Variants in TTN observed in about 807,000 individuals in gnomAD.
The protein encoded by TTN is connectin.
In TTN, 1,525 loss-of-function variants were observed where a neutral mutation model predicts 3,223.0. The observed-to-expected ratio is 0.47, with a 90% CI of 0.45 to 0.49. The LOEUF (loss-of-function observed/expected upper bound fraction) is 0.49, where lower values mean the gene tolerates loss of function less well. Ranked by LOEUF, TTN falls within the 20% of genes least tolerant of loss-of-function variation. The pLI is 0.00. For synonymous variants in TTN, 14,094 were observed against 15,161.0 expected (o/e 0.93, Z 5.17); for missense variants, 40,786 against 43,424.0 (o/e 0.94, Z 5.40).
chr2:178,733,315 G>A lies in TTN; in HGVS notation c.15978C>T (p.His5326=), dbSNP rs397517482. ...TCTCAAATGTGTATTGGCCACTGTC[G>A]TGCAGCTCAGCTGAATAAAATTTGA... The part of the protein sequence containing the change: ...AQLKFYSAEL[H]DSGQYTFEIS... The change falls in exon 54 of 363, where the codon CAC becomes CAT. Residue 5326 remains histidine (H), a synonymous_variant. Coordinates refer to ENST00000589042, the MANE Select transcript of TTN (RefSeq NM_001267550.2). 56 of 1,613,622 alleles carry A rather than the reference G, an allele frequency of 3.5e-5. No homozygotes were observed. Among genetic ancestry groups the A allele is most frequent in the Non-Finnish European group, 4.2e-5 (50 of 1,179,772 alleles).
rs1407053984 is a variant in TTN at position 178,539,132 on chromosome 2, C to A, written c.98803G>T (p.Glu32935Ter). Reference sequence around the variant, plus strand: ...TTGTCAGTGGATGTCTCTTTGCGTTCGATGTAGTAGCCTGTGACTCTAGAA... The same window carrying A: ...TTGTCAGTGGATGTCTCTTTGCGTTAGATGTAGTAGCCTGTGACTCTAGAA... Reference protein sequence around the residue: ...GGSRVTGYYIERKETSTDKWV... With the variant: ...GGSRVTGYYI The change falls in exon 353 of 363, where the codon GAA becomes TAA. Residue 32935 changes from glutamate to a stop codon, truncating the protein, a stop_gained. Transcript: ENST00000589042. LOFTEE classifies it high-confidence loss of function. 1 of 1,613,676 alleles carries A rather than the reference C, an allele frequency of 6.2e-7. No individual in the cohort carries two copies. Among genetic ancestry groups the A allele is most frequent in the Non-Finnish European group, 8.5e-7 (1 of 1,179,730 alleles).
In TTN at chr2:178,620,868, A is replaced by T; in HGVS notation, c.45742T>A (p.Phe15248Ile). ...AGAATGATGTATTTTGAACTATCAA[A>T]TATAGCTTCTTCATTTCTGAACCAT... ...AKWFRNEEAI[F>I]DSSKYIILQK... The change falls in exon 247 of 363, where the codon TTT becomes ATT. Residue 15248 changes from phenylalanine (F) to isoleucine (I), a missense_variant. Phe to Ile is a conservative substitution (Grantham distance 21). Coordinates refer to ENST00000589042, the MANE Select transcript of TTN (RefSeq NM_001267550.2). The T allele has an allele frequency of 6.2e-7, 1 of 1,612,648 alleles. No homozygotes were observed. The highest frequency in any genetic ancestry group is 8.5e-7 in the Non-Finnish European group (1 of 1,179,150).
chr2:178,678,255 C>T (rs779720628), intron 144 of TTN, 47 bp from the exon 145 acceptor site: 2 of 1,563,212 alleles, frequency 1.3e-6, no homozygotes, highest in East Asian at 2.2e-5. Flanking sequence ...TTTAAAATGT[C>T]TTAGAGCAAT....
Position 178,562,553 on chromosome 2 carries a change from A to G in TTN, c.83579T>C (p.Val27860Ala). Residue 27860 changes from valine to alanine, a missense_variant, in exon 326 of 363, where the codon GTG becomes GCG. By Grantham distance (64) the Val-to-Ala change is moderately conservative. Transcript: ENST00000589042. ...TCCAGGTGGGAGGGGTGGTTCAGACACTTTAACGGGTTCTGTTGTTTCAGC... is the reference window on the plus strand; with the variant it reads ...TCCAGGTGGGAGGGGTGGTTCAGACGCTTTAACGGGTTCTGTTGTTTCAGC... ...LPAETTEPVK[V>A]SEPPLPPGRV... is the part of the protein sequence containing the mutation. 6.2e-7 allele frequency: 1 copy of G among 1,610,110 alleles called. No individual in the cohort carries two copies. Among genetic ancestry groups the G allele is most frequent in the Non-Finnish European group, 8.5e-7 (1 of 1,178,492 alleles).
Position 178,734,540 on chromosome 2 carries a change from T to C in TTN, c.15284A>G (p.Gln5095Arg), listed in dbSNP as rs2081098001. 1.4e-5 allele frequency: 22 copies of C among 1,609,704 alleles called. No individual in the cohort carries two copies. Among genetic ancestry groups the C allele is most frequent in the Non-Finnish European group, 1.9e-5 (22 of 1,177,306 alleles). Residue 5095 changes from glutamine to arginine, a missense_variant, in exon 52 of 363, where the codon CAG becomes CGG. Physicochemically the swap from Gln to Arg is conservative, Grantham distance 43 (BLOSUM62 1). Coordinates refer to ENST00000589042, the MANE Select transcript of TTN (RefSeq NM_001267550.2). ...TGGTCCAGTGCCTGAGACTTCACACTGAAGTAGAGCATTTGTTCCTCTCAC... is the reference window on the plus strand; with the variant it reads ...TGGTCCAGTGCCTGAGACTTCACACCGAAGTAGAGCATTTGTTCCTCTCAC... ...DIVRGTNALL[Q>R]CEVSGTGPFE... is the part of the protein sequence containing the mutation.
Position 178,568,689 on chromosome 2 carries a change from A to G in TTN, c.77443T>C (p.Leu25815=). Residue 25815 remains leucine, a synonymous_variant, in exon 326 of 363, where the codon TTG becomes CTG. Transcript: ENST00000589042. ...SSYSVQVGQD[L]KIEVPISGRP... ...CCAGAAATTGGCACTTCTATTTTCA[A>G]ATCTTGGCCAACCTGTACACTGTAA... is the stretch of plus-strand genomic sequence containing the variant. 1.2e-6 allele frequency: 2 copies of G among 1,613,312 alleles called. No individual in the cohort carries two copies. The highest frequency in any genetic ancestry group is 1.1e-5 in the South Asian group (1 of 91,040).
At chr2:178,759,224 TA>T (rs1561116594) in intron 43 of TTN, 52 bp from the exon 44 acceptor site, 1 of 1,584,322 alleles carries the variant, frequency 6.3e-7, no homozygotes, top group South Asian at 1.1e-5. Context: ...AGTGGATTTT[TA>T]CAATTTACCT....
chr2:178,529,201 G>A lies in TTN; in HGVS notation c.106550C>T (p.Ala35517Val). 6.7e-7 allele frequency: 1 copy of A among 1,491,836 alleles called. No individual in the cohort carries two copies. The allele number at this position is 1,491,836 out of a possible 1,614,324, so 92.4% of individuals were successfully genotyped here. Reference sequence around the variant, plus strand: ...AGTCTTTTGTGTAGAGACTTTCTGTGCCTCAGTATCTTTTATAGCTAAAAA... The same window carrying A: ...AGTCTTTTGTGTAGAGACTTTCTGTACCTCAGTATCTTTTATAGCTAAAAA... ...LTIKAIKDTE[A>V]QKVSTQKTSE... Residue 35517 changes from alanine to valine, a missense_variant, in exon 360 of 363, where the codon GCA becomes GTA. Coordinates refer to ENST00000589042, the MANE Select transcript of TTN (RefSeq NM_001267550.2).
At position 178,718,708 on chromosome 2, in the gene TTN, A is replaced by G. The variant is rs2077879773; in HGVS notation, c.24492T>C (p.His8164=). The stretch of plus-strand genomic sequence containing the variant: ...GAAAGAGCAAACCTTTCACAAAAAG[A>G]TGTGTGGTACAGGAAGCACTGCCAG... ...NDAGSASCTT[H]LFVKEPATFV... is the part of the protein sequence containing the mutation. The change falls in exon 84 of 363, where the codon CAT becomes CAC. Residue 8164 remains histidine (H), a synonymous_variant. Transcript: ENST00000589042. 1.2e-6 allele frequency: 2 copies of G among 1,613,314 alleles called. No homozygotes were observed. The highest frequency in any genetic ancestry group is 1.1e-5 in the South Asian group (1 of 91,012).
At position 178,774,037 on chromosome 2, in the gene TTN, A is replaced by G. The variant is rs569657290; in HGVS notation, c.7131T>C (p.Val2377=). 6.2e-7 allele frequency: 1 copy of G among 1,614,122 alleles called. No homozygotes were observed. Among genetic ancestry groups the G allele is most frequent in the East Asian group, 2.2e-5 (1 of 44,864 alleles). ...CTTCCACACTTTCCAAGGAGACTTTAACTTCAAGCTGAACAATGTCACCCT... is the reference window on the plus strand; with the variant it reads ...CTTCCACACTTTCCAAGGAGACTTTGACTTCAAGCTGAACAATGTCACCCT... ...VCEGDIVQLE[V]KVSLESVEGV... The change falls in exon 31 of 363, where the codon GTT becomes GTC. Residue 2377 remains valine, a synonymous_variant. Coordinates refer to ENST00000589042, the MANE Select transcript of TTN (RefSeq NM_001267550.2).
rs901577328 is a variant in TTN at position 178,562,343 on chromosome 2, T to C, written c.83789A>G (p.Glu27930Gly). The C allele has an allele frequency of 6.2e-7, 1 of 1,611,186 alleles. No individual in the cohort carries two copies. Among genetic ancestry groups the C allele is most frequent in the Non-Finnish European group, 8.5e-7 (1 of 1,178,900 alleles). Residue 27930 changes from glutamate (E) to glycine (G), a missense_variant, in exon 326 of 363, where the codon GAA (glutamate) becomes GGA (glycine). Coordinates refer to ENST00000589042, the MANE Select transcript of TTN (RefSeq NM_001267550.2). ...TGCAGCTACCCTGAAGACATACTCTTCTCCTGCAGTTAAGCCAGATATAGT... is the reference window on the plus strand; with the variant it reads ...TGCAGCTACCCTGAAGACATACTCTCCTCCTGCAGTTAAGCCAGATATAGT... ...EATISGLTAG[E>G]EYVFRVAAVN...
At chr2:178,676,974 C>G (rs2068207431) in intron 147 of TTN, among the ~76,000 whole-genome samples, 1 of 151,548 alleles carries the variant, frequency 6.6e-6, no homozygotes, top group African/African-American at 2.4e-5. Context: ...GAAATCAGAA[C>G]TTTTGTATCA....
chr2:178,605,598 A>AATG lies in TTN; in HGVS notation c.53694_53696dup (p.Ile17899dup). 1.9e-6 allele frequency: 3 copies of AATG among 1,612,346 alleles called. No individual in the cohort carries two copies. The highest frequency in any genetic ancestry group is 2.5e-6 in the Non-Finnish European group (3 of 1,178,858). ...CAGGTTTGTCATGACGCCGTTTTTC[A>AATG]ATGATATATCCTTGGATGGGACTGC... On this transcript the variant is annotated inframe_insertion, in exon 279 of 363. Coordinates refer to ENST00000589042, the MANE Select transcript of TTN (RefSeq NM_001267550.2).
rs146999516 is a variant in TTN, at chr2:178,734,233, T to C, written c.15496+95A>G. On this transcript the variant is annotated intron_variant, in intron 52 of 362. Transcript: ENST00000589042. ...ACCAAGACAAAACAAATTTAAAGGA[T>C]AGGACAAGAGAAGAAAGTACCAGTT... The C allele has an allele frequency of 9.3e-6, 13 of 1,404,958 alleles. No individual in the cohort carries two copies. In the African/African-American group the frequency reaches 1.3e-4, roughly 14 times the overall value. The allele number at this position is 1,404,958 out of a possible 1,614,324, so 87.0% of individuals were successfully genotyped here.
At position 178,710,916 on chromosome 2, in the gene TTN, T is replaced by A; in HGVS notation, c.28181A>T (p.Lys9394Met). 2 of 1,612,804 alleles carry A rather than the reference T, an allele frequency of 1.2e-6. No homozygotes were observed. Among genetic ancestry groups the A allele is most frequent in the Non-Finnish European group, 1.7e-6 (2 of 1,178,960 alleles). Residue 9394 changes from lysine (K) to methionine (M), a missense_variant, in exon 98 of 363, where the codon AAG becomes ATG. By Grantham distance (95) the Lys-to-Met change is moderately conservative (BLOSUM62 -1). Coordinates refer to ENST00000589042, the MANE Select transcript of TTN (RefSeq NM_001267550.2). ...ACGGATGTCAAAGAAGGGTGGGTTC[T>A]TCCCCTCTAATAGTAGAGCAGAAAG... ...SSARLILTEG[K>M]NPPFFDIRLA...
chr2:178,580,509 A>G lies in TTN; in HGVS notation c.66870T>C (p.Pro22290=), dbSNP rs1024438218. The change falls in exon 317 of 363, where the codon CCT becomes CCC. Residue 22290 remains proline (P), a synonymous_variant. Transcript: ENST00000589042. ...TTGGTTTAGACCAAGTAATCTTTGG[A>G]GGTGGGCGTCCTTTTACTGGTACAT... ...RLYVPVKGRP[P]PKITWSKPNV... is the part of the protein sequence containing the mutation. The G allele has an allele frequency of 1.4e-5, 23 of 1,612,772 alleles. No homozygotes were observed. In the African/African-American group the frequency reaches 2.8e-4, roughly 20 times the overall value.
chr2:178,531,735 A>G lies in TTN; in HGVS notation c.104880T>C (p.Arg34960=), dbSNP rs1051347990. ...SHRVPCGQNT[R]FILNVQSKPT... ...GCTTAGACTGAACATTTAAAATAAA[A>G]CGTGTATTTTGGCCACATGGTACCC... is the stretch of plus-strand genomic sequence containing the variant. The change falls in exon 358 of 363, where the codon CGT becomes CGC. Residue 34960 remains arginine, a synonymous_variant. Transcript: ENST00000589042. The G allele has an allele frequency of 3.7e-6, 6 of 1,613,890 alleles. No individual in the cohort carries two copies. The Admixed American group carries it at 1.0e-4, about 27-fold the overall frequency.
chr2:178,601,386 T>C lies in TTN; in HGVS notation c.55611A>G (p.Thr18537=). 6.2e-7 allele frequency: 1 copy of C among 1,612,750 alleles called. No individual in the cohort carries two copies. The part of the protein sequence containing the change: ...TKVNPDCGST[T]FVVPDLLSEQ... ...CAGAGAGGAGATCAGGCACTACAAA[T>C]GTGGTGCTTCCACAGTCTGGATTGA... is the stretch of plus-strand genomic sequence containing the variant. The change falls in exon 287 of 363, where the codon ACA becomes ACG. Residue 18537 remains threonine, a synonymous_variant. Transcript: ENST00000589042.
chr2:178,534,897 T>G lies in TTN; in HGVS notation c.101718A>C (p.Thr33906=). The stretch of plus-strand genomic sequence containing the variant: ...CTCTTTCATTAAGTTCAAAAGCACT[T>G]GTGTTAATGCGCTCAAATATGTCAA... The part of the protein sequence containing the change: ...SGLDIFERIN[T]SAFELNEREI... Residue 33906 remains threonine (T), a synonymous_variant, in exon 358 of 363, where the codon ACA becomes ACC. Transcript: ENST00000589042. The G allele has an allele frequency of 6.2e-7, 1 of 1,609,628 alleles. No individual in the cohort carries two copies. The highest frequency in any genetic ancestry group is 8.5e-7 in the Non-Finnish European group (1 of 1,179,804).
Sources: gnomAD v4.1 joint callset for allele counts (sites outside exome capture counted in the v4.1 genomes callset) on GRCh38, gnomAD v4.1.1 for gene constraint, MANE v1.5 for transcripts, NCBI Gene and HGNC (gene_info 2026-07-23, HGNC 2026-07-21) for gene names.